Variants in TAS2R1 observed in about 807,000 individuals in gnomAD.
The protein encoded by TAS2R1 is taste receptor type 2 member 1.
For synonymous variants in TAS2R1, 141 were observed against 134.2 expected, an observed-to-expected ratio of 1.05 and a Z score of -0.35; for missense variants, 370 against 353.4, an observed-to-expected ratio of 1.05 and a Z score of -0.38.
At chr5:9,816,692 C>G in the TAS2R1 span, among the ~76,000 whole-genome samples, 1 of 152,112 alleles carries the variant, frequency 6.6e-6, no homozygotes, top group Non-Finnish European at 1.5e-5. Flanking sequence ...ATCAAGTTCT[C>G]TTAGCCTATT....
At chr5:9,864,383 T>C in the TAS2R1 span, among the ~76,000 whole-genome samples, 6 of 152,220 alleles carry the variant, frequency 3.9e-5, no homozygotes, top group Middle Eastern at 0.014. Flanking sequence ...ATCCCAGCAC[T>C]TTGGGAGGCT....
chr5:9,697,011 C>T (rs114994719), intron 1 of TAS2R1, among the ~76,000 whole-genome samples: 1 of 150,866 alleles, frequency 6.6e-6, no homozygotes, highest in Non-Finnish European at 1.5e-5. Flanking sequence ...GAAACTCCGT[C>T]TCAAAAAAAA....
chr5:9,875,055 G>T, the TAS2R1 span, among the ~76,000 whole-genome samples: 1 of 152,056 alleles, frequency 6.6e-6, no homozygotes, highest in African/African-American at 2.4e-5. Context: ...GTCTCAACAG[G>T]GATTGAAATT....
At chr5:9,727,013 C>T in the TAS2R1 span, among the ~76,000 whole-genome samples, 1 of 152,168 alleles carries the variant, frequency 6.6e-6, no homozygotes, top group Non-Finnish European at 1.5e-5. Flanking sequence ...TGCTCAACCT[C>T]TTTGAGAAAT....
the TAS2R1 span, among the ~76,000 whole-genome samples, chr5:9,792,252 T>C: frequency 6.6e-6 from 1 of 152,330 alleles, no homozygotes; most frequent in East Asian, 1.9e-4. Flanking sequence ...TATATGCATG[T>C]AAATGCATGA....
chr5:9,702,249 T>G (rs1324674745), intron 1 of TAS2R1, among the ~76,000 whole-genome samples: 2 of 152,214 alleles, frequency 1.3e-5, no homozygotes, highest in Non-Finnish European at 2.9e-5. Context: ...AACTATGTAT[T>G]TATTAAACTC....
At chr5:9,664,126 G>A (rs554726041) in intron 1 of TAS2R1, among the ~76,000 whole-genome samples, 8 of 152,130 alleles carry the variant, frequency 5.3e-5, no homozygotes, top group East Asian at 1.9e-4. Context: ...AGCCCCTATC[G>A]AACCATGCCT....
intron 1 of TAS2R1, among the ~76,000 whole-genome samples, chr5:9,694,533 A>G (rs1346425375): frequency 6.6e-6 from 1 of 152,220 alleles, no homozygotes; most frequent in Non-Finnish European, 1.5e-5. Context: ...TGTTTGAAGT[A>G]TATTTCCTCC....
chr5:9,637,941 T>C (rs1335677176), intron 2 of TAS2R1, among the ~76,000 whole-genome samples: 1 of 152,218 alleles, frequency 6.6e-6, no homozygotes, highest in East Asian at 1.9e-4. Flanking sequence ...GAGTTCTTCT[T>C]GGTTTGGATC....
chr5:9,791,663 C>G, the TAS2R1 span, among the ~76,000 whole-genome samples: 1 of 152,144 alleles, frequency 6.6e-6, no homozygotes, highest in East Asian at 1.9e-4. Context: ...CATGCCACTG[C>G]ACTCCAGCCT....
intron 1 of TAS2R1, among the ~76,000 whole-genome samples, chr5:9,663,199 A>G (rs1740571174): frequency 6.6e-6 from 1 of 152,236 alleles, no homozygotes; most frequent in African/African-American, 2.4e-5. Context: ...AAAAAAGATG[A>G]TTCTACAAAC....
the TAS2R1 span, among the ~76,000 whole-genome samples, chr5:9,778,066 G>A: frequency 6.6e-6 from 1 of 152,086 alleles, no homozygotes; most frequent in Non-Finnish European, 1.5e-5. Context: ...ATTTTTAGTA[G>A]AGACAGGGTT....
At chr5:9,902,093 G>A in the TAS2R1 span, among the ~76,000 whole-genome samples, 1 of 152,022 alleles carries the variant, frequency 6.6e-6, no homozygotes, top group African/African-American at 2.4e-5. Context: ...GACACCTGGG[G>A]TAAGCCAGTC....
intron 2 of TAS2R1, among the ~76,000 whole-genome samples, chr5:9,655,090 A>G (rs1200268907): frequency 1.3e-5 from 2 of 152,194 alleles, no homozygotes; most frequent in Admixed American, 1.3e-4. Context: ...AAGTTTTAGA[A>G]TAGGCCAAGT....
chr5:9,769,043 T>C, the TAS2R1 span, among the ~76,000 whole-genome samples: 15 of 152,120 alleles, frequency 9.9e-5, no homozygotes, highest in Admixed American at 9.8e-4. Context: ...TTTGTACCCA[T>C]TAACTAGCTC....
At chr5:9,659,373 G>A (rs1308794800) in intron 2 of TAS2R1, 3 of 152,208 alleles carry the variant, frequency 2.0e-5, no homozygotes, top group African/African-American at 7.2e-5. Flanking sequence ...AGCTGCCCTA[G>A]GGAGAAGAAT....
chr5:9,629,712 A>G lies in TAS2R1; in HGVS notation c.321T>C (p.Val107=). Residue 107 remains valine, a synonymous_variant, in exon 1 of 1, where the codon GTT becomes GTC. Transcript: ENST00000382492. ...TWLGVFYCAK[V]ASVRHPLFIW... Reference sequence around the variant, plus strand: ...TGAAGAGTGGGTGACGGACGCTGGCAACCTTGGCACAATAGAAAACGCCGA... The same window carrying G: ...TGAAGAGTGGGTGACGGACGCTGGCGACCTTGGCACAATAGAAAACGCCGA... 2 of 1,614,128 alleles carry G rather than the reference A, an allele frequency of 1.2e-6. No homozygotes were observed. The highest frequency in any genetic ancestry group is 4.5e-5 in the East Asian group (2 of 44,872).
At chr5:9,792,059 T>C in the TAS2R1 span, among the ~76,000 whole-genome samples, 1 of 152,220 alleles carries the variant, frequency 6.6e-6, no homozygotes. Context: ...TTTGATTTGA[T>C]TGCAGATCCA....
intron 2 of TAS2R1, among the ~76,000 whole-genome samples, chr5:9,649,753 C>T (rs1445976375): frequency 6.6e-6 from 1 of 152,170 alleles, no homozygotes; most frequent in African/African-American, 2.4e-5. Context: ...ATGCAAAGTG[C>T]ATCCACTTTT....
Sources: allele counts gnomAD v4.1 joint callset (sites outside exome capture counted in the v4.1 genomes callset), GRCh38; gene constraint gnomAD v4.1.1; transcripts MANE v1.5; gene names NCBI Gene and HGNC (gene_info 2026-07-23, HGNC 2026-07-21).